Variants in ZNF608 observed in about 807,000 individuals in gnomAD.
ZNF608 encodes renal carcinoma antigen NY-REN-36.
In ZNF608, 12 loss-of-function variants were observed where a neutral mutation model predicts 109.0. That is an observed-to-expected ratio of 0.11 (90% CI 0.07 to 0.18). The LOEUF (loss-of-function observed/expected upper bound fraction) is 0.18, where lower values mean the gene tolerates loss of function less well. Ranked by LOEUF, ZNF608 falls within the 10% of genes least tolerant of loss-of-function variation. ZNF608 has a pLI of 1.00. For synonymous variants in ZNF608, 732 were observed against 717.4 expected, an observed-to-expected ratio of 1.02 and a Z score of -0.33; for missense variants, 1,707 against 1,879.3, an observed-to-expected ratio of 0.91 and a Z score of 1.70.
chr5:124,731,166 G>A (rs55718491), intron 2 of ZNF608, among the ~76,000 whole-genome samples: 49,295 of 152,116 alleles, frequency 0.32, 8,437 homozygotes, highest in Middle Eastern at 0.45. Flanking sequence ...TTAAAAAGAT[G>A]TGTTTACACA....
Position 124,648,983 on chromosome 5 carries a change from C to T in ZNF608, c.1401G>A (p.Gly467=). 1 of 1,614,174 alleles carries T rather than the reference C, an allele frequency of 6.2e-7. No individual in the cohort carries two copies. The highest frequency in any genetic ancestry group is 8.5e-7 in the Non-Finnish European group (1 of 1,180,024). Residue 467 remains glycine (G), a synonymous_variant, in exon 5 of 10, where the codon GGG becomes GGA. Transcript: ENST00000513986. The part of the protein sequence containing the change: ...LQNKNRGGAN[G]KGRRGSLNAS... ...CATTGAGGCTGCCCCGCCTCCCTTTCCCATTGGCCCCCCCTCTGTTCTTAT... is the reference window on the plus strand; with the variant it reads ...CATTGAGGCTGCCCCGCCTCCCTTTTCCATTGGCCCCCCCTCTGTTCTTAT...
intron 2 of ZNF608, among the ~76,000 whole-genome samples, chr5:124,715,155 A>C (rs1753641703): frequency 6.6e-6 from 1 of 152,232 alleles, no homozygotes; most frequent in African/African-American, 2.4e-5. Flanking sequence ...GAATTAAATG[A>C]AACAACCTCT....
rs73298922 is a variant in ZNF608, at chr5:124,710,239, A to G, written c.907-8970T>C. On this transcript the variant is annotated intron_variant, in intron 2 of 9. Transcript: ENST00000513986. ...AGAAAGGCAGGAAGAAAGGAAAGAA[A>G]AGCCCATTTTGGAAACCACCGTATT... 3.0e-3 allele frequency: 1,366 copies of G among 455,844 alleles called. 13 individuals are homozygous for G. Among genetic ancestry groups the G allele is most frequent in the African/African-American group, 0.025 (1,247 of 50,108 alleles). The allele number at this position is 455,844 out of a possible 1,614,324, so 28.2% of individuals were successfully genotyped here.
At position 124,642,375 on chromosome 5, in the gene ZNF608, A is replaced by G. The variant is rs141002109; in HGVS notation, c.4297-970T>C. The stretch of plus-strand genomic sequence containing the variant: ...GACACAGCTCTCACTCCTAAGCCAC[A>G]TGACTTACTCTTGCAAATGAGCCTC... On this transcript the variant is annotated intron_variant, in intron 7 of 9. Transcript: ENST00000513986. Among the ~76,000 whole-genome samples, 5 of 152,314 alleles carry G rather than the reference A, an allele frequency of 3.3e-5. No individual in the cohort carries two copies. The East Asian group carries it at 5.8e-4, about 18-fold the overall frequency.
At chr5:124,696,986 G>C (rs750945408) in intron 3 of ZNF608, among the ~76,000 whole-genome samples, 1 of 151,926 alleles carries the variant, frequency 6.6e-6, no homozygotes. Flanking sequence ...AAATGCCTGG[G>C]GTGGTGCCTG....
chr5:124,694,236 G>A (rs576029810), intron 3 of ZNF608, among the ~76,000 whole-genome samples: 1 of 137,472 alleles, frequency 7.3e-6, no homozygotes, highest in Non-Finnish European at 1.5e-5. Context: ...CTCCTGATCC[G>A]CCCGCCTCGG....
At position 124,644,393 on chromosome 5, in the gene ZNF608, G is replaced by A. The variant is rs902949079; in HGVS notation, c.3974C>T (p.Ser1325Phe). Residue 1325 changes from serine (S) to phenylalanine (F), a missense_variant, in exon 6 of 10, where the codon TCT (serine) becomes TTT (phenylalanine). Coordinates refer to ENST00000513986, the MANE Select transcript of ZNF608 (RefSeq NM_020747.3). ...GGAGACAGCCACTCTTGTTCCCCGAGAGTCCTTCCAGTTCACAGGAGTCTT... is the reference window on the plus strand; with the variant it reads ...GGAGACAGCCACTCTTGTTCCCCGAAAGTCCTTCCAGTTCACAGGAGTCTT... ...DRKTPVNWKDSRGTRVAVSSP... is the reference protein window; with the variant it reads ...DRKTPVNWKDFRGTRVAVSSP... 6 of 1,614,026 alleles carry A rather than the reference G, an allele frequency of 3.7e-6. No homozygotes were observed. The African/African-American group carries it at 8.0e-5, about 22-fold the overall frequency.
chr5:124,734,478 C>G (rs1379003726), intron 2 of ZNF608: 7 of 152,138 alleles, frequency 4.6e-5, no homozygotes, highest in Non-Finnish European at 1.5e-5. Context: ...AGAACCACCC[C>G]GAAGCCCAGA....
intron 2 of ZNF608, among the ~76,000 whole-genome samples, chr5:124,741,148 GT>G (rs1240290692): frequency 6.6e-6 from 1 of 152,118 alleles, no homozygotes; most frequent in Non-Finnish European, 1.5e-5. Flanking sequence ...ATTATGGCAT[GT>G]TTTGATTTTG....
At chr5:124,645,907 G>A (rs1202036494) in intron 5 of ZNF608, among the ~76,000 whole-genome samples, 2 of 152,092 alleles carry the variant, frequency 1.3e-5, no homozygotes, top group Non-Finnish European at 2.9e-5. Context: ...AGATTAATGG[G>A]AAATGTGAAT....
chr5:124,656,362 T>TA (rs1751004891), intron 3 of ZNF608, among the ~76,000 whole-genome samples: 1 of 152,240 alleles, frequency 6.6e-6, no homozygotes, highest in Admixed American at 6.5e-5. Flanking sequence ...ATTGCTGGTT[T>TA]GGATAGATCT....
chr5:124,644,695 C>T lies in ZNF608; in HGVS notation c.3706-34G>A. On this transcript the variant is annotated intron_variant, in intron 5 of 9. Transcript: ENST00000513986. ...TTTGTTTTAAAGAAAAAAAACCCAA[C>T]AGATTTGTTTTAAAATTTCAATTTT... The T allele has an allele frequency of 1.3e-6, 2 of 1,507,546 alleles. 1 individual carries two copies. Among genetic ancestry groups the T allele is most frequent in the South Asian group, 2.8e-5 (2 of 72,684 alleles). 93.4% of individuals were successfully genotyped at this position (1,507,546 alleles called of 1,614,324 possible).
intron 2 of ZNF608, among the ~76,000 whole-genome samples, chr5:124,739,803 C>A (rs1276774252): frequency 6.6e-6 from 1 of 152,134 alleles, no homozygotes; most frequent in African/African-American, 2.4e-5. Context: ...CCATTCAATC[C>A]CTCTTTTTCA....
chr5:124,723,701 A>ATCTGAC (rs1561584852), intron 2 of ZNF608, among the ~76,000 whole-genome samples: 1 of 152,192 alleles, frequency 6.6e-6, no homozygotes, highest in Non-Finnish European at 1.5e-5. Context: ...CAATCAATGA[A>ATCTGAC]TCTGACTATA....
chr5:124,725,766 T>C (rs1261165472), intron 2 of ZNF608, among the ~76,000 whole-genome samples: 3 of 152,112 alleles, frequency 2.0e-5, no homozygotes, highest in Admixed American at 2.0e-4. Flanking sequence ...CTGTCCTAGC[T>C]CCAGAGACCC....
chr5:124,677,693 C>T (rs1370058001), intron 3 of ZNF608, among the ~76,000 whole-genome samples: 1 of 152,130 alleles, frequency 6.6e-6, no homozygotes, highest in East Asian at 1.9e-4. Context: ...GCTTCTTCTG[C>T]AACTAATTCT....
chr5:124,701,272 G>A lies in ZNF608; in HGVS notation c.907-3C>T. ...GGCACTGTAAACAGGGGGTCAACCT[G>A]AAAGACAGACAGGCTTACTGCAGTA... On this transcript the variant is annotated splice_polypyrimidine_tract_variant and splice_region_variant and intron_variant, in intron 2 of 9. Transcript: ENST00000513986. The A allele has an allele frequency of 6.2e-7, 1 of 1,613,886 alleles. No homozygotes were observed. Among genetic ancestry groups the A allele is most frequent in the Non-Finnish European group, 8.5e-7 (1 of 1,179,896 alleles).
chr5:124,746,181 C>T lies in ZNF608; in HGVS notation c.-184+14G>A, dbSNP rs887833534. On this transcript the variant is annotated intron_variant, in intron 1 of 9. Transcript: ENST00000513986. ...ACATACACACACACATACACACACACAGACATTGCTTACCTTTTAATCCTT... is the reference window on the plus strand; with the variant it reads ...ACATACACACACACATACACACACATAGACATTGCTTACCTTTTAATCCTT... The T allele has an allele frequency of 2.0e-6, 2 of 985,402 alleles. No homozygotes were observed. Among genetic ancestry groups the T allele is most frequent in the Middle Eastern group, 5.2e-4 (1 of 1,914 alleles). The allele number at this position is 985,402 out of a possible 1,614,324, so 61.0% of individuals were successfully genotyped here. A position where few individuals can be genotyped will look rare whatever the true frequency, so the allele number is the denominator to read the frequency against.
chr5:124,729,749 T>TC (rs1748807088), intron 2 of ZNF608, among the ~76,000 whole-genome samples: 1 of 152,172 alleles, frequency 6.6e-6, no homozygotes, highest in South Asian at 2.1e-4. Flanking sequence ...TTTCCCACAC[T>TC]CCCCCAAAGG....
Sources: allele counts gnomAD v4.1 joint callset (sites outside exome capture counted in the v4.1 genomes callset), GRCh38; gene constraint gnomAD v4.1.1; transcripts MANE v1.5; gene names NCBI Gene and HGNC (gene_info 2026-07-23, HGNC 2026-07-21).